The following C15orf40 variants were observed in gnomAD, a reference collection of about 807,000 sequenced individuals.
C15orf40 encodes UPF0235 protein C15orf40.
Under a neutral mutation model 13.9 loss-of-function variants are expected in C15orf40, and 9 were observed. The ratio of observed to expected loss-of-function variants is 0.65; its 90% confidence interval spans 0.39 to 1.13. C15orf40 has a LOEUF of 1.13. Among genes scored for constraint, C15orf40 ranks in the 50% most tolerant of loss-of-function variants. The probability of loss-of-function intolerance (pLI) is 0.01; values close to 1 mark genes in which losing one functional copy is unlikely to be tolerated. For missense variants in C15orf40, 225 were observed against 188.5 expected (o/e 1.19, Z -1.13); for synonymous variants, 95 against 69.2 (o/e 1.37, Z -1.85).
downstream of C15orf40, among the ~76,000 whole-genome samples, chr15:82,993,723 T>C (rs2030948793): frequency 6.6e-6 from 1 of 152,180 alleles, no homozygotes; most frequent in Admixed American, 6.6e-5. Context: ...GAGAATCGCT[T>C]GAACCTGGGA....
At chr15:83,008,435 C>T (rs2031812797) in intron 3 of C15orf40, 113 bp downstream of exon 3, 1 of 1,104,062 alleles carries the variant, frequency 9.1e-7, no homozygotes, top group Non-Finnish European at 1.3e-6. Context: ...AGGAGAATAG[C>T]TTGAACCCAG....
chr15:83,007,416 T>C (rs927911867), intron 3 of C15orf40, among the ~76,000 whole-genome samples: 1 of 152,150 alleles, frequency 6.6e-6, no homozygotes, highest in African/African-American at 2.4e-5. Context: ...TGAAGAAGCA[T>C]AGGCACACAG....
rs138766623 is a variant in C15orf40 at position 82,997,019 on chromosome 15, AAATAATAATAAT to A, written c.*8566_*8577del. 1 of 146,080 alleles carries A rather than the reference AAATAATAATAAT, an allele frequency of 6.8e-6. No homozygotes were observed. Among genetic ancestry groups the A allele is most frequent in the Admixed American group, 6.9e-5 (1 of 14,514 alleles). The allele number at this position is 146,080 out of a possible 1,614,324, so 9.0% of individuals were successfully genotyped here. A position where few individuals can be genotyped will look rare whatever the true frequency, so the allele number is the denominator to read the frequency against. ...GGCAACAAGAGCGAAACTTCGTCTC[AAATAATAATAAT>A]AATAATAATAATTATTATTATTATT... On this transcript the variant is annotated 3_prime_UTR_variant, in exon 4 of 4. Transcript: ENST00000304177.
In C15orf40 at chr15:82,995,297, A is replaced by T. The variant is rs2031008890; in HGVS notation, c.*10300T>A. ...CCATCATGGTGTGCCCAGGATGAGG[A>T]ATAAGTGACACTTCAGCTGTCGTGA... On this transcript the variant is annotated 3_prime_UTR_variant, in exon 4 of 4. Transcript: ENST00000304177. 6.6e-6 allele frequency: 1 copy of T among 152,274 alleles called. No individual in the cohort carries two copies. The highest frequency in any genetic ancestry group is 1.5e-5 in the Non-Finnish European group (1 of 68,082). The allele number at this position is 152,274 out of a possible 1,614,324, so 9.4% of individuals were successfully genotyped here. A position where few individuals can be genotyped will look rare whatever the true frequency, so the allele number is the denominator to read the frequency against.
intron 2 of C15orf40, 133 bp from the exon 3 acceptor site, chr15:83,008,808 G>T: frequency 9.8e-7 from 1 of 1,015,758 alleles, no homozygotes; most frequent in Non-Finnish European, 1.4e-6. Context: ...ATGAAGAAAT[G>T]AATGATTAAA....
At chr15:82,989,246 T>A, downstream of C15orf40, 2 of 1,569,954 alleles carry the variant, frequency 1.3e-6, no homozygotes, top group South Asian at 2.4e-5. Flanking sequence ...AGCTTTAATC[T>A]GCTAGACTGG....
rs1333859359 is a variant in C15orf40, at chr15:82,998,590, GCTC to G, written c.*7004_*7006del. 1 of 72,682 alleles carries G rather than the reference GCTC, an allele frequency of 1.4e-5. No homozygotes were observed. The highest frequency in any genetic ancestry group is 2.7e-5 in the Non-Finnish European group (1 of 37,672). The allele number at this position is 72,682 out of a possible 1,614,324, so 4.5% of individuals were successfully genotyped here. On this transcript the variant is annotated 3_prime_UTR_variant, in exon 4 of 4. Coordinates refer to ENST00000304177, the MANE Select transcript of C15orf40 (RefSeq NM_144597.3). ...AGATGATGGGCGGCCGGGCAGAGACGCTCCTCACTTCCTAGATGTGATGGCGGC... is the reference window on the plus strand; with the variant it reads ...AGATGATGGGCGGCCGGGCAGAGACGCTCACTTCCTAGATGTGATGGCGGC...
Position 83,002,921 on chromosome 15 carries a change from C to A in C15orf40, c.*2676G>T, listed in dbSNP as rs1320092940. 1 of 152,350 alleles carries A rather than the reference C, an allele frequency of 6.6e-6. No individual in the cohort carries two copies. Among genetic ancestry groups the A allele is most frequent in the Non-Finnish European group, 1.5e-5 (1 of 68,184 alleles). The allele number at this position is 152,350 out of a possible 1,614,324, so 9.4% of individuals were successfully genotyped here. On this transcript the variant is annotated 3_prime_UTR_variant, in exon 4 of 4. Coordinates refer to ENST00000304177, the MANE Select transcript of C15orf40 (RefSeq NM_144597.3). The stretch of plus-strand genomic sequence containing the variant: ...AGGGTCCCGGTTCACAAGCAATTCT[C>A]CTGCCTCAGCCTCCCGAGTAGCTGG...
intron 3 of C15orf40, chr15:83,006,612 C>T (rs2031692132): frequency 4.1e-6 from 1 of 244,512 alleles, no homozygotes; most frequent in Non-Finnish European, 6.5e-6. Flanking sequence ...ATTAGCCAGA[C>T]GTGTTGGCGC....
chr15:82,989,882 T>C (rs1296885467), downstream of C15orf40: 2 of 1,613,178 alleles, frequency 1.2e-6, no homozygotes, highest in African/African-American at 2.7e-5. Flanking sequence ...TTGTTGTAGG[T>C]TGCAAGACAA....
rs1250843544 is a variant in C15orf40 at position 82,995,160 on chromosome 15, T to C, written c.*10437A>G. ...TGGTTGATTACTGCTGGCACCAGCTTTTGAGGAAAATAAGGATGGAAGTAG... is the reference window on the plus strand; with the variant it reads ...TGGTTGATTACTGCTGGCACCAGCTCTTGAGGAAAATAAGGATGGAAGTAG... On this transcript the variant is annotated 3_prime_UTR_variant, in exon 4 of 4. Coordinates refer to ENST00000304177, the MANE Select transcript of C15orf40 (RefSeq NM_144597.3). 1 of 152,164 alleles carries C rather than the reference T, an allele frequency of 6.6e-6. No homozygotes were observed. The highest frequency in any genetic ancestry group is 1.5e-5 in the Non-Finnish European group (1 of 68,046). The allele number at this position is 152,164 out of a possible 1,614,324, so 9.4% of individuals were successfully genotyped here.
Position 83,005,083 on chromosome 15 carries a change from C to T in C15orf40, c.*514G>A. ...TTACAACGCCATGAAATCAGAGTAA[C>T]ATGTTCCAGGCTGTTTGGGGTTTGG... On this transcript the variant is annotated 3_prime_UTR_variant, in exon 4 of 4. Transcript: ENST00000304177. The T allele has an allele frequency of 8.5e-7, 1 of 1,180,580 alleles. No individual in the cohort carries two copies. The highest frequency in any genetic ancestry group is 1.1e-6 in the Non-Finnish European group (1 of 924,254). The allele number at this position is 1,180,580 out of a possible 1,614,324, so 73.1% of individuals were successfully genotyped here.
rs1406459542 is a variant in C15orf40, at chr15:83,005,289, CT to C, written c.*307del. The C allele has an allele frequency of 1.6e-5, 16 of 998,430 alleles. No individual in the cohort carries two copies. The highest frequency in any genetic ancestry group is 1.8e-5 in the Non-Finnish European group (15 of 831,242). 61.8% of individuals were successfully genotyped at this position (998,430 alleles called of 1,614,324 possible). On this transcript the variant is annotated 3_prime_UTR_variant, in exon 4 of 4. Transcript: ENST00000304177. ...TTTCTCAAGGATGTATTTTTTATTTCTTTTTTTTCGGGGGGAGAGAGTTTCA... is the reference window on the plus strand; with the variant it reads ...TTTCTCAAGGATGTATTTTTTATTTCTTTTTTTCGGGGGGAGAGAGTTTCA...
intron 1 of C15orf40, chr15:83,011,201 G>C (rs1010903676): frequency 3.0e-6 from 1 of 328,910 alleles, no homozygotes; most frequent in Non-Finnish European, 5.6e-6. Flanking sequence ...TGAATTGCTG[G>C]ACTGGGAGTG....
chr15:83,008,164 G>A (rs1346748663), intron 3 of C15orf40: 1 of 204,578 alleles, frequency 4.9e-6, no homozygotes, highest in Admixed American at 5.6e-5. Flanking sequence ...TGCACTCCAG[G>A]CTGGACAACA....
In C15orf40 at chr15:82,999,784, T is replaced by C; in HGVS notation, c.*5813A>G. 1 of 152,116 alleles carries C rather than the reference T, an allele frequency of 6.6e-6. No homozygotes were observed. The highest frequency in any genetic ancestry group is 1.9e-4 in the East Asian group (1 of 5,196). 9.4% of individuals were successfully genotyped at this position (152,116 alleles called of 1,614,324 possible). On this transcript the variant is annotated 3_prime_UTR_variant, in exon 4 of 4. Coordinates refer to ENST00000304177, the MANE Select transcript of C15orf40 (RefSeq NM_144597.3). ...AGAAATGACCAGGGAGTACGTAACT[T>C]GTGGCTGCAAAGTTTGGGGATTCTT... is the stretch of plus-strand genomic sequence containing the variant.
At position 82,996,403 on chromosome 15, in the gene C15orf40, G is replaced by A. The variant is rs2031075494; in HGVS notation, c.*9194C>T. On this transcript the variant is annotated 3_prime_UTR_variant, in exon 4 of 4. Transcript: ENST00000304177. Reference sequence around the variant, plus strand: ...CGCCTGTAATCCCAGTACTTTGGGAGGCCGAGGCAGGCGGATCACGAGGTC... The same window carrying A: ...CGCCTGTAATCCCAGTACTTTGGGAAGCCGAGGCAGGCGGATCACGAGGTC... 1 of 152,222 alleles carries A rather than the reference G, an allele frequency of 6.6e-6. No individual in the cohort carries two copies. Among genetic ancestry groups the A allele is most frequent in the South Asian group, 2.1e-4 (1 of 4,832 alleles). The allele number at this position is 152,222 out of a possible 1,614,324, so 9.4% of individuals were successfully genotyped here.
downstream of C15orf40, chr15:82,990,316 T>C (rs1402757625): frequency 1.1e-4 from 27 of 243,360 alleles, no homozygotes; most frequent in Non-Finnish European, 1.7e-4. Context: ...TTAATAGTGC[T>C]TTAAGTTTGG....
At chr15:82,993,387 T>G (rs2030936364), downstream of C15orf40, among the ~76,000 whole-genome samples, 2 of 152,332 alleles carry the variant, frequency 1.3e-5, 1 homozygote, top group Admixed American at 1.3e-4. Context: ...CAGAAGACGT[T>G]GAGAATTAAG....
Sources: allele counts gnomAD v4.1 joint callset (sites outside exome capture counted in the v4.1 genomes callset), GRCh38; gene constraint gnomAD v4.1.1; transcripts MANE v1.5; gene names NCBI Gene and HGNC (gene_info 2026-07-23, HGNC 2026-07-21).